STRBP: variants seen among roughly 807,000 people sequenced by gnomAD.
The protein encoded by STRBP is spermatid perinuclear RNA-binding protein.
In STRBP, 13 loss-of-function variants were observed where a neutral mutation model predicts 80.1. The observed-to-expected ratio is 0.16, with a 90% CI of 0.11 to 0.26. STRBP has a LOEUF of 0.26. Among genes scored for constraint, STRBP ranks in the 10% least tolerant of loss-of-function variants. The pLI, the probability that STRBP is intolerant of heterozygous loss-of-function variation, is 1.00. For missense variants in STRBP, 485 were observed against 815.2 expected (o/e 0.59, Z 4.93); for synonymous variants, 284 against 291.2 (o/e 0.98, Z 0.25).
Position 123,230,677 on chromosome 9 carries a change from G to A in STRBP, c.-165+6153C>T, listed in dbSNP as rs988602632. Among the ~76,000 whole-genome samples the A allele has an allele frequency of 5.9e-5, 9 of 152,264 alleles. 1 individual carries two copies. Among genetic ancestry groups the A allele is most frequent in the Admixed American group, 3.9e-4 (6 of 15,292 alleles). On this transcript the variant is annotated intron_variant, in intron 2 of 18. Transcript: ENST00000348403. ...ATTTTTCAAAGACACTGTAGGTGAT[G>A]AGGCAATCTATGTTTGGCTGCAAAA...
rs919000087 is a variant in STRBP at position 123,194,799 on chromosome 9, C to T, written c.-164-10501G>A. 2.6e-5 allele frequency among the ~76,000 whole-genome samples: 4 copies of T among 152,118 alleles called. No individual in the cohort carries two copies. In the South Asian group the frequency reaches 6.2e-4, roughly 24 times the overall value. On this transcript the variant is annotated intron_variant, in intron 2 of 18. Transcript: ENST00000348403. ...TTGACTGTTCCCTACACTTTACTCC[C>T]CTTGGCTTCCATCTAAGACACCACT...
At chr9:123,132,404 T>A (rs1179125629) in intron 17 of STRBP, among the ~76,000 whole-genome samples, 1 of 152,226 alleles carries the variant, frequency 6.6e-6, no homozygotes, top group Non-Finnish European at 1.5e-5. Context: ...TTTTCCTTTG[T>A]GTATTTCTTT....
At chr9:123,164,112 C>G (rs1588024818) in intron 6 of STRBP, among the ~76,000 whole-genome samples, 1 of 152,326 alleles carries the variant, frequency 6.6e-6, no homozygotes, top group African/African-American at 2.4e-5. Flanking sequence ...GTGGCATGAT[C>G]TCGGCTCACT....
intron 2 of STRBP, among the ~76,000 whole-genome samples, chr9:123,204,640 G>A (rs927597487): frequency 6.6e-6 from 1 of 152,146 alleles, no homozygotes; most frequent in African/African-American, 2.4e-5. Context: ...CAAATATGCT[G>A]TGCATGGTGG....
At chr9:123,187,059 CTT>C in intron 2 of STRBP, among the ~76,000 whole-genome samples, 1 of 152,096 alleles carries the variant, frequency 6.6e-6, no homozygotes, top group East Asian at 1.9e-4. Flanking sequence ...GTTCCTAAGA[CTT>C]TTCATATATT....
chr9:123,241,075 A>T (rs2040683621), intron 1 of STRBP, among the ~76,000 whole-genome samples: 1 of 151,674 alleles, frequency 6.6e-6, no homozygotes, highest in African/African-American at 2.4e-5. Context: ...GCTACTCGGG[A>T]GGCTGAGGCA....
chr9:123,223,341 T>G (rs897083953), intron 2 of STRBP, among the ~76,000 whole-genome samples: 1 of 152,160 alleles, frequency 6.6e-6, no homozygotes, highest in Non-Finnish European at 1.5e-5. Context: ...AGAATGAACA[T>G]TATGCAAATT....
chr9:123,191,066 G>A (rs1310352931), intron 2 of STRBP, among the ~76,000 whole-genome samples: 2 of 152,180 alleles, frequency 1.3e-5, no homozygotes, highest in Non-Finnish European at 2.9e-5. Context: ...AAGTCCAGAA[G>A]AGGGAAATAA....
chr9:123,229,979 C>T (rs1241177220), intron 2 of STRBP, among the ~76,000 whole-genome samples: 2 of 152,104 alleles, frequency 1.3e-5, no homozygotes, highest in African/African-American at 4.8e-5. Flanking sequence ...GGTACAGGTG[C>T]AGATTAGGAG....
chr9:123,152,086 T>C (rs752273922), intron 11 of STRBP, among the ~76,000 whole-genome samples: 6 of 152,130 alleles, frequency 3.9e-5, no homozygotes, highest in Non-Finnish European at 5.9e-5. Flanking sequence ...TAGAAAAACA[T>C]AGCTTACCAA....
chr9:123,256,027 T>C (rs2041021408), intron 1 of STRBP, among the ~76,000 whole-genome samples: 1 of 137,366 alleles, frequency 7.3e-6, no homozygotes, highest in Non-Finnish European at 1.6e-5. Flanking sequence ...TCTTTTTTTT[T>C]TTTTTTTTTT....
rs917329722 is a variant in STRBP at position 123,122,584 on chromosome 9, T to C, written c.*3013A>G. 1 of 1,107,752 alleles carries C rather than the reference T, an allele frequency of 9.0e-7. No homozygotes were observed. The highest frequency in any genetic ancestry group is 1.1e-6 in the Non-Finnish European group (1 of 902,498). 68.6% of individuals were successfully genotyped at this position (1,107,752 alleles called of 1,614,324 possible). A position where few individuals can be genotyped will look rare whatever the true frequency, so the allele number is the denominator to read the frequency against. On this transcript the variant is annotated 3_prime_UTR_variant, in exon 19 of 19. Transcript: ENST00000348403. ...TACTTCACCACCCATGCACTTCATC[T>C]AGTCAGCATGAGGTATGTTGGAAAT... is the stretch of plus-strand genomic sequence containing the variant.
At chr9:123,144,685 A>G (rs2036739089) in intron 13 of STRBP, among the ~76,000 whole-genome samples, 1 of 152,234 alleles carries the variant, frequency 6.6e-6, no homozygotes, top group South Asian at 2.1e-4. Flanking sequence ...ACAAACACAC[A>G]TTATACATTT....
At chr9:123,240,889 A>G (rs1191090503) in intron 1 of STRBP, among the ~76,000 whole-genome samples, 2 of 152,218 alleles carry the variant, frequency 1.3e-5, no homozygotes, top group East Asian at 3.8e-4. Flanking sequence ...GTTAAAATAT[A>G]AAGTGATTGG....
At chr9:123,116,787 C>T (rs918494495), downstream of STRBP, among the ~76,000 whole-genome samples, 11 of 152,274 alleles carry the variant, frequency 7.2e-5, no homozygotes, top group South Asian at 2.1e-4. Context: ...ACGGGGTGAG[C>T]GCCGCCACTC....
intron 18 of STRBP, 128 bp downstream of exon 18, chr9:123,128,086 A>T: frequency 2.6e-6 from 3 of 1,160,668 alleles, no homozygotes; most frequent in Non-Finnish European, 3.7e-6. Flanking sequence ...AAAGGAATTT[A>T]AGTTGGGTCA....
At chr9:123,155,871 C>T (rs955127385) in intron 11 of STRBP, among the ~76,000 whole-genome samples, 3 of 150,724 alleles carry the variant, frequency 2.0e-5, no homozygotes, top group South Asian at 2.1e-4. Context: ...AAAGTTTAAA[C>T]GTGAATGTCA....
chr9:123,263,323 C>T (rs2132658791), intron 1 of STRBP, among the ~76,000 whole-genome samples: 2 of 151,996 alleles, frequency 1.3e-5, no homozygotes, highest in East Asian at 3.9e-4. Context: ...CCAAGATCAG[C>T]CTGGGCAACA....
intron 6 of STRBP, among the ~76,000 whole-genome samples, chr9:123,166,498 A>G (rs1395280548): frequency 6.6e-6 from 1 of 152,226 alleles, no homozygotes; most frequent in African/African-American, 2.4e-5. Context: ...GCACTGGCTC[A>G]CACCTAGCAG....
Sources: gnomAD v4.1 joint callset for allele counts (sites outside exome capture counted in the v4.1 genomes callset) on GRCh38, gnomAD v4.1.1 for gene constraint, MANE v1.5 for transcripts, NCBI Gene and HGNC (gene_info 2026-07-23, HGNC 2026-07-21) for gene names.